NEDD4: variants seen among roughly 807,000 people sequenced by gnomAD.
The protein encoded by NEDD4 is NEDD4 E3 ubiquitin protein ligase, also known as E3 ubiquitin-protein ligase NEDD4.
NEDD4 carries 99 observed loss-of-function variants against 144.9 expected under a neutral mutation model. That is an observed-to-expected ratio of 0.68 (90% CI 0.58 to 0.81). The LOEUF (loss-of-function observed/expected upper bound fraction) is 0.81. Among genes scored for constraint, NEDD4 ranks in the 30% least tolerant of loss-of-function variants. NEDD4 has a pLI of 0.00. For missense variants in NEDD4, 985 were observed against 1,065.9 expected (o/e 0.92, Z 1.06); for synonymous variants, 318 against 350.6 (o/e 0.91, Z 1.04).
intron 4 of NEDD4, among the ~76,000 whole-genome samples, chr15:55,933,893 C>T (rs2036831478): frequency 6.6e-6 from 1 of 152,188 alleles, no homozygotes. Context: ...GTGGTTCACA[C>T]CTGTAATCCC....
Position 55,930,812 on chromosome 15 carries a change from G to A in NEDD4, c.238-6113C>T, listed in dbSNP as rs952463499. On this transcript the variant is annotated intron_variant, in intron 4 of 28. Transcript: ENST00000435532. ...CACACACTCTCTTGCCTGCTACCAT[G>A]TATGATATGCCTTTGCTTCTCCTTT... is the stretch of plus-strand genomic sequence containing the variant. Among the ~76,000 whole-genome samples, 3 of 152,204 alleles carry A rather than the reference G, an allele frequency of 2.0e-5. No individual in the cohort carries two copies. The South Asian group carries it at 6.2e-4, about 32-fold the overall frequency.
intron 2 of NEDD4, among the ~76,000 whole-genome samples, chr15:55,960,530 G>C (rs2037407722): frequency 6.6e-6 from 1 of 152,180 alleles, no homozygotes; most frequent in South Asian, 2.1e-4. Context: ...ACTGAAGGCT[G>C]CATTGTTGGC....
intron 4 of NEDD4, among the ~76,000 whole-genome samples, chr15:55,926,897 G>T (rs1566955328): frequency 6.6e-6 from 1 of 151,948 alleles, no homozygotes; most frequent in Non-Finnish European, 1.5e-5. Flanking sequence ...CCAACAGGGT[G>T]AAACCCTGTC....
intron 4 of NEDD4, among the ~76,000 whole-genome samples, chr15:55,939,239 A>G (rs766604445): frequency 6.6e-6 from 1 of 152,180 alleles, no homozygotes; most frequent in Non-Finnish European, 1.5e-5. Context: ...AGGTGATTGG[A>G]TCACGGGGGC....
chr15:55,948,404 A>G (rs957862257), intron 4 of NEDD4, among the ~76,000 whole-genome samples: 2 of 152,260 alleles, frequency 1.3e-5, no homozygotes, highest in African/African-American at 4.8e-5. Flanking sequence ...ATTTAATGCC[A>G]TCTCCATCAA....
chr15:55,954,208 G>A (rs2037296787), intron 2 of NEDD4, among the ~76,000 whole-genome samples: 1 of 151,836 alleles, frequency 6.6e-6, no homozygotes, highest in South Asian at 2.1e-4. Context: ...TTTTCTCTTT[G>A]AAACACTCAT....
chr15:55,831,155 G>C (rs1421580022), intron 27 of NEDD4, among the ~76,000 whole-genome samples: 4 of 152,176 alleles, frequency 2.6e-5, no homozygotes, highest in Non-Finnish European at 5.9e-5. Flanking sequence ...CCTGACCTCA[G>C]GTGATCTGCC....
intron 1 of NEDD4, among the ~76,000 whole-genome samples, chr15:55,982,707 C>T: frequency 6.6e-6 from 1 of 152,194 alleles, no homozygotes; most frequent in Non-Finnish European, 1.5e-5. Context: ...ATAATCTGTG[C>T]ATTTCACTCT....
rs997576340 is a variant in NEDD4 at position 55,832,349 on chromosome 15, T to A, written c.2527+659A>T. On this transcript the variant is annotated intron_variant, in intron 27 of 28. Transcript: ENST00000435532. ...AACCATGACTCTGTTTTTATTTTTT[T>A]AAAAATACACTTAGTAACATTCTGT... Among the ~76,000 whole-genome samples the A allele has an allele frequency of 5.9e-5, 9 of 152,316 alleles. No homozygotes were observed. The South Asian group carries it at 6.2e-4, about 11-fold the overall frequency.
chr15:55,840,431 A>T lies in NEDD4; in HGVS notation c.2031+16T>A, dbSNP rs370395676. On this transcript the variant is annotated intron_variant, in intron 21 of 28. Transcript: ENST00000435532. ...TAAATTATACTTCGTCTATACTATAAGTGAAAAAGACATACCACAGATTCC... is the reference window on the plus strand; with the variant it reads ...TAAATTATACTTCGTCTATACTATATGTGAAAAAGACATACCACAGATTCC... The T allele has an allele frequency of 3.4e-5, 55 of 1,606,460 alleles. No homozygotes were observed. The African/African-American group carries it at 7.0e-4, about 20-fold the overall frequency.
At chr15:55,907,459 T>C (rs1299728516) in intron 5 of NEDD4, among the ~76,000 whole-genome samples, 4 of 152,358 alleles carry the variant, frequency 2.6e-5, no homozygotes, top group African/African-American at 9.6e-5. Context: ...TATATTGTTC[T>C]CTGGTTGTTT....
chr15:55,906,722 G>A (rs1165816626), intron 5 of NEDD4, among the ~76,000 whole-genome samples: 3 of 152,128 alleles, frequency 2.0e-5, no homozygotes, highest in South Asian at 2.1e-4. Context: ...CATGGCACAT[G>A]TATACATATG....
intron 1 of NEDD4, among the ~76,000 whole-genome samples, chr15:55,977,291 T>C (rs530530983): frequency 1.4e-4 from 22 of 152,198 alleles, no homozygotes; most frequent in Non-Finnish European, 2.5e-4. Flanking sequence ...ATTGTATTAC[T>C]AATGCATACA....
intron 4 of NEDD4, among the ~76,000 whole-genome samples, chr15:55,929,142 CAG>C (rs1241429574): frequency 2.0e-5 from 3 of 152,144 alleles, no homozygotes; most frequent in Admixed American, 1.3e-4. Context: ...ACCGAAAGAA[CAG>C]AGTGTCAAAG....
chr15:55,866,184 G>A (rs1331134982), intron 8 of NEDD4, among the ~76,000 whole-genome samples: 1 of 151,834 alleles, frequency 6.6e-6, no homozygotes, highest in Non-Finnish European at 1.5e-5. Flanking sequence ...AAAGTGCTGG[G>A]ATTACCAGCG....
At chr15:55,832,681 G>A (rs1375728687) in intron 27 of NEDD4, among the ~76,000 whole-genome samples, 1 of 152,140 alleles carries the variant, frequency 6.6e-6, no homozygotes, top group Non-Finnish European at 1.5e-5. Context: ...CTCCTGAAGT[G>A]CAGGATTACA....
chr15:55,865,212 A>C (rs915243586), intron 8 of NEDD4, among the ~76,000 whole-genome samples: 1 of 151,472 alleles, frequency 6.6e-6, no homozygotes, highest in Non-Finnish European at 1.5e-5. Context: ...AAAAAAAAAA[A>C]AAAAAACTTT....
At chr15:55,869,193 C>G (rs1566921978) in intron 8 of NEDD4, among the ~76,000 whole-genome samples, 1 of 152,114 alleles carries the variant, frequency 6.6e-6, no homozygotes, top group Non-Finnish European at 1.5e-5. Flanking sequence ...GCCCTCCCAC[C>G]ATAATAAGAA....
At chr15:55,866,880 G>A (rs1191945517) in intron 8 of NEDD4, among the ~76,000 whole-genome samples, 1 of 152,178 alleles carries the variant, frequency 6.6e-6, no homozygotes, top group Non-Finnish European at 1.5e-5. Context: ...ATATGTATCA[G>A]CTGCTATTCT....
Sources: gnomAD v4.1 joint callset for allele counts (sites outside exome capture counted in the v4.1 genomes callset) on GRCh38, gnomAD v4.1.1 for gene constraint, MANE v1.5 for transcripts, NCBI Gene and HGNC (gene_info 2026-07-23, HGNC 2026-07-21) for gene names.